Variants in PPP1R15B observed in about 807,000 individuals in gnomAD.
PPP1R15B encodes the protein protein phosphatase 1 regulatory subunit 15B.
Under a neutral mutation model 53.9 loss-of-function variants are expected in PPP1R15B, and 31 were observed. That is an observed-to-expected ratio of 0.58 (90% CI 0.43 to 0.78). The LOEUF (loss-of-function observed/expected upper bound fraction) is 0.78, where lower values mean the gene tolerates loss of function less well. Among genes scored for constraint, PPP1R15B ranks in the 30% least tolerant of loss-of-function variants. The pLI is 0.00. For synonymous variants in PPP1R15B, 345 were observed against 329.1 expected (o/e 1.05, Z -0.52); for missense variants, 928 against 849.6 (o/e 1.09, Z -1.15).
Position 204,403,944 on chromosome 1 carries a change from C to A in PPP1R15B, c.*2148G>T. 1.1e-5 allele frequency: 11 copies of A among 985,376 alleles called. No individual in the cohort carries two copies. The highest frequency in any genetic ancestry group is 1.3e-5 in the Non-Finnish European group (11 of 829,898). The allele number at this position is 985,376 out of a possible 1,614,324, so 61.0% of individuals were successfully genotyped here. A position where few individuals can be genotyped will look rare whatever the true frequency, so the allele number is the denominator to read the frequency against. On this transcript the variant is annotated 3_prime_UTR_variant, in exon 2 of 2. Transcript: ENST00000367188. ...AGTGAGGTTAGAATCCCATGGGGAACAATTTTCCAAAATCCAATGAAAGAT... is the reference window on the plus strand; with the variant it reads ...AGTGAGGTTAGAATCCCATGGGGAAAAATTTTCCAAAATCCAATGAAAGAT...
chr1:204,409,498 TC>T lies in PPP1R15B; in HGVS notation c.1913del (p.Arg638LysfsTer4). 6.2e-7 allele frequency: 1 copy of T among 1,604,034 alleles called. No individual in the cohort carries two copies. The highest frequency in any genetic ancestry group is 8.5e-7 in the Non-Finnish European group (1 of 1,175,756). On this transcript the variant is annotated frameshift_variant, in exon 1 of 2. Transcript: ENST00000367188. LOFTEE classifies it high-confidence loss of function. ...TAAAAGACAAGAAACAAACCTTTTT[TC>T]TTTTGACATGTGTGTGTCTTCCTCC... is the stretch of plus-strand genomic sequence containing the variant. ...LSGGRHTHVK[R>X]KKVTFLEEVT... is the part of the protein sequence containing the mutation.
chr1:204,410,288 G>T lies in PPP1R15B; in HGVS notation c.1124C>A (p.Ala375Asp). The change falls in exon 1 of 2, where the codon GCT becomes GAT. Residue 375 changes from alanine to aspartate, a missense_variant. By Grantham distance (126) the Ala-to-Asp change is moderately radical (BLOSUM62 -2). Transcript: ENST00000367188. ...IELLTTEVPL[A>D]LEEESPSEGC... ...CTCAGAAGGGCTCTCTTCTTCCAAAGCAAGTGGAACCTCTGTAGTTAATAA... is the reference window on the plus strand; with the variant it reads ...CTCAGAAGGGCTCTCTTCTTCCAAATCAAGTGGAACCTCTGTAGTTAATAA... The T allele has an allele frequency of 1.9e-6, 3 of 1,614,108 alleles. No homozygotes were observed. The highest frequency in any genetic ancestry group is 1.7e-6 in the Non-Finnish European group (2 of 1,180,006).
At chr1:204,398,696 T>C (rs1674127650), downstream of PPP1R15B, among the ~76,000 whole-genome samples, 1 of 152,086 alleles carries the variant, frequency 6.6e-6, no homozygotes, top group Non-Finnish European at 1.5e-5. Context: ...ATAACAGGTG[T>C]CCATCAGGCA....
rs1397607826 is a variant in PPP1R15B, at chr1:204,405,708, C to T, written c.*384G>A. The T allele has an allele frequency of 2.0e-6, 2 of 990,882 alleles. No individual in the cohort carries two copies. Among genetic ancestry groups the T allele is most frequent in the African/African-American group, 1.7e-5 (1 of 57,310 alleles). 61.4% of individuals were successfully genotyped at this position (990,882 alleles called of 1,614,324 possible). A position where few individuals can be genotyped will look rare whatever the true frequency, so the allele number is the denominator to read the frequency against. On this transcript the variant is annotated 3_prime_UTR_variant, in exon 2 of 2. Coordinates refer to ENST00000367188, the MANE Select transcript of PPP1R15B (RefSeq NM_032833.5). The stretch of plus-strand genomic sequence containing the variant: ...AGAGCCCAAAGTTTTCAGATAGGCA[C>T]ACATAATTTAGATTAGAAATGAAAA...
Position 204,409,939 on chromosome 1 carries a change from G to C in PPP1R15B, c.1473C>G (p.Asn491Lys), listed in dbSNP as rs1271280140. Reference sequence around the variant, plus strand: ...CAGCAGTCTGAATTGTTGCTGTAAAGTTCTGGGGATTATAAGGATCTACAC... The same window carrying C: ...CAGCAGTCTGAATTGTTGCTGTAAACTTCTGGGGATTATAAGGATCTACAC... ...FCSVDPYNPQ[N>K]FTATIQTAAR... Residue 491 changes from asparagine (N) to lysine (K), a missense_variant, in exon 1 of 2, where the codon AAC (asparagine) becomes AAG (lysine). Transcript: ENST00000367188. 2 of 1,611,488 alleles carry C rather than the reference G, an allele frequency of 1.2e-6. No individual in the cohort carries two copies. Among genetic ancestry groups the C allele is most frequent in the Admixed American group, 1.7e-5 (1 of 59,706 alleles).
At position 204,405,941 on chromosome 1, in the gene PPP1R15B, G is replaced by T; in HGVS notation, c.*151C>A. ...CTTCAAACCTGAATGTTTCTGAGTG[G>T]GATATGTTGCAAAAAAAAAAATTAA... On this transcript the variant is annotated 3_prime_UTR_variant, in exon 2 of 2. Coordinates refer to ENST00000367188, the MANE Select transcript of PPP1R15B (RefSeq NM_032833.5). 7.0e-7 allele frequency: 1 copy of T among 1,426,976 alleles called. No homozygotes were observed. Among genetic ancestry groups the T allele is most frequent in the Non-Finnish European group, 9.1e-7 (1 of 1,095,022 alleles). 88.4% of individuals were successfully genotyped at this position (1,426,976 alleles called of 1,614,324 possible). A position where few individuals can be genotyped will look rare whatever the true frequency, so the allele number is the denominator to read the frequency against.
Position 204,410,243 on chromosome 1 carries a change from A to G in PPP1R15B, c.1169T>C (p.Ile390Thr). Reference sequence around the variant, plus strand: ...CTCTCCAGGCTCCTTTTCCATAGGTATCTCACTAGATGGACAGCCCTCAGA... The same window carrying G: ...CTCTCCAGGCTCCTTTTCCATAGGTGTCTCACTAGATGGACAGCCCTCAGA... ...SPSEGCPSSE[I>T]PMEKEPGEGR... is the part of the protein sequence containing the mutation. The change falls in exon 1 of 2, where the codon ATA (isoleucine) becomes ACA (threonine). Residue 390 changes from isoleucine (I) to threonine (T), a missense_variant. Coordinates refer to ENST00000367188, the MANE Select transcript of PPP1R15B (RefSeq NM_032833.5). The G allele has an allele frequency of 6.2e-7, 1 of 1,614,156 alleles. No homozygotes were observed. Among genetic ancestry groups the G allele is most frequent in the East Asian group, 2.2e-5 (1 of 44,886 alleles).
At chr1:204,408,358 G>A (rs1481885413) in intron 1 of PPP1R15B, among the ~76,000 whole-genome samples, 3 of 152,234 alleles carry the variant, frequency 2.0e-5, no homozygotes, top group Non-Finnish European at 4.4e-5. Context: ...CATTTACAAA[G>A]TGTGAACTAA....
chr1:204,403,612 A>C lies in PPP1R15B; in HGVS notation c.*2480T>G. The C allele has an allele frequency of 1.0e-6, 1 of 985,000 alleles. No individual in the cohort carries two copies. The highest frequency in any genetic ancestry group is 1.2e-6 in the Non-Finnish European group (1 of 829,144). The allele number at this position is 985,000 out of a possible 1,614,324, so 61.0% of individuals were successfully genotyped here. A position where few individuals can be genotyped will look rare whatever the true frequency, so the allele number is the denominator to read the frequency against. ...AGATGAAGAAGTGTTACATTTCATC[A>C]CTCAGAAATGGAACTTTTACCTGTC... On this transcript the variant is annotated 3_prime_UTR_variant, in exon 2 of 2. Coordinates refer to ENST00000367188, the MANE Select transcript of PPP1R15B (RefSeq NM_032833.5).
At position 204,404,460 on chromosome 1, in the gene PPP1R15B, G is replaced by A; in HGVS notation, c.*1632C>T. 2.3e-6 allele frequency: 2 copies of A among 883,216 alleles called. No homozygotes were observed. Among genetic ancestry groups the A allele is most frequent in the Non-Finnish European group, 2.7e-6 (2 of 737,068 alleles). 54.7% of individuals were successfully genotyped at this position (883,216 alleles called of 1,614,324 possible). A position where few individuals can be genotyped will look rare whatever the true frequency, so the allele number is the denominator to read the frequency against. On this transcript the variant is annotated 3_prime_UTR_variant, in exon 2 of 2. Coordinates refer to ENST00000367188, the MANE Select transcript of PPP1R15B (RefSeq NM_032833.5). ...AGATCGCGCCACTGCACTCCAAGCTGGGGGACCGAACGAGACTCTGTCTCA... is the reference window on the plus strand; with the variant it reads ...AGATCGCGCCACTGCACTCCAAGCTAGGGGACCGAACGAGACTCTGTCTCA...
chr1:204,405,812 C>T lies in PPP1R15B; in HGVS notation c.*280G>A. The T allele has an allele frequency of 8.9e-7, 1 of 1,127,690 alleles. No homozygotes were observed. Among genetic ancestry groups the T allele is most frequent in the Non-Finnish European group, 1.1e-6 (1 of 918,186 alleles). The allele number at this position is 1,127,690 out of a possible 1,614,324, so 69.9% of individuals were successfully genotyped here. On this transcript the variant is annotated 3_prime_UTR_variant, in exon 2 of 2. Transcript: ENST00000367188. ...CAAAATGACAACTCAAAAAGGTCCCCTTTCCACCTCATGCAGGCAAAGGAC... is the reference window on the plus strand; with the variant it reads ...CAAAATGACAACTCAAAAAGGTCCCTTTTCCACCTCATGCAGGCAAAGGAC...
downstream of PPP1R15B, among the ~76,000 whole-genome samples, chr1:204,396,539 A>C (rs115543441): frequency 0.038 from 5,377 of 140,006 alleles, 222 homozygotes; most frequent in African/African-American, 0.1. Flanking sequence ...GGTGACAGTA[A>C]GACCCTGTCT....
chr1:204,398,940 T>C (rs1344161013), downstream of PPP1R15B, among the ~76,000 whole-genome samples: 1 of 152,248 alleles, frequency 6.6e-6, no homozygotes, highest in Non-Finnish European at 1.5e-5. Flanking sequence ...TTAATGGATG[T>C]GGTATACCTA....
Position 204,409,725 on chromosome 1 carries a change from C to T in PPP1R15B, c.1687G>A (p.Asp563Asn). 1.2e-6 allele frequency: 2 copies of T among 1,614,088 alleles called. No individual in the cohort carries two copies. The highest frequency in any genetic ancestry group is 1.7e-6 in the Non-Finnish European group (2 of 1,180,018). ...AAATTTAAAGGGTTGTAGGGGTCATCAGAATTACAGAATGAGTTCCACAGT... is the reference window on the plus strand; with the variant it reads ...AAATTTAAAGGGTTGTAGGGGTCATTAGAATTACAGAATGAGTTCCACAGT... ...LKLWNSFCNS[D>N]DPYNPLNFKA... The change falls in exon 1 of 2, where the codon GAT becomes AAT. Residue 563 changes from aspartate to asparagine, a missense_variant. By Grantham distance (23) the Asp-to-Asn change is conservative (BLOSUM62 1). Coordinates refer to ENST00000367188, the MANE Select transcript of PPP1R15B (RefSeq NM_032833.5).
chr1:204,406,623 A>G (rs1164017093), intron 1 of PPP1R15B, among the ~76,000 whole-genome samples: 1 of 152,104 alleles, frequency 6.6e-6, no homozygotes, highest in Non-Finnish European at 1.5e-5. Flanking sequence ...GTGGTGGCAC[A>G]TGCCTGTAAT....
chr1:204,402,019 A>G (rs1347268125), downstream of PPP1R15B, among the ~76,000 whole-genome samples: 1 of 152,266 alleles, frequency 6.6e-6, no homozygotes, highest in Non-Finnish European at 1.5e-5. Context: ...TTTCTATGAA[A>G]TATCAGGATA....
Position 204,411,245 on chromosome 1 carries a change from G to C in PPP1R15B, c.167C>G (p.Pro56Arg), listed in dbSNP as rs1674370893. Residue 56 changes from proline to arginine, a missense_variant, in exon 1 of 2, where the codon CCC becomes CGC. Physicochemically the swap from Pro to Arg is moderately radical, Grantham distance 103. Transcript: ENST00000367188. Reference protein sequence around the residue: ...GNPTLLSSAQPETRVSYWTKL... With the variant: ...GNPTLLSSAQRETRVSYWTKL... ...CGTCCAGTAACTGACCCGAGTCTCG[G>C]GCTGGGCAGAGGAAAGCAGTGTGGG... The C allele has an allele frequency of 2.4e-5, 39 of 1,614,266 alleles. No homozygotes were observed. The highest frequency in any genetic ancestry group is 3.0e-5 in the Non-Finnish European group (35 of 1,180,046).
downstream of PPP1R15B, among the ~76,000 whole-genome samples, chr1:204,401,757 C>T (rs933493672): frequency 6.6e-6 from 1 of 152,040 alleles, no homozygotes; most frequent in Non-Finnish European, 1.5e-5. Flanking sequence ...CCCATCTCTA[C>T]AAAAAACAGA....
chr1:204,402,758 T>C (rs1674198403), downstream of PPP1R15B, among the ~76,000 whole-genome samples: 2 of 150,916 alleles, frequency 1.3e-5, no homozygotes, highest in Admixed American at 1.3e-4. Flanking sequence ...GATTTTACAA[T>C]ACCATGATTA....
Sources: gnomAD v4.1 joint callset for allele counts (sites outside exome capture counted in the v4.1 genomes callset) on GRCh38, gnomAD v4.1.1 for gene constraint, MANE v1.5 for transcripts, NCBI Gene and HGNC (gene_info 2026-07-23, HGNC 2026-07-21) for gene names.